Variants in GRM2 observed in about 807,000 individuals in gnomAD.
The protein encoded by GRM2 is glutamate metabotropic receptor 2, also known as metabotropic glutamate receptor 2.
In GRM2, 35 loss-of-function variants were observed where a neutral mutation model predicts 60.4. The observed-to-expected ratio is 0.58, with a 90% CI of 0.44 to 0.77. The LOEUF is 0.77. Ranked by LOEUF, GRM2 falls within the 30% of genes least tolerant of loss-of-function variation. GRM2 has a pLI of 0.00. For missense variants in GRM2, 925 were observed against 1,199.5 expected, an observed-to-expected ratio of 0.77 and a Z score of 3.38; for synonymous variants, 437 against 484.1, an observed-to-expected ratio of 0.90 and a Z score of 1.28.
At chr3:51,711,151 C>G (rs1371748079) in intron 2 of GRM2, 1 of 152,286 alleles carries the variant, frequency 6.6e-6, no homozygotes, top group Admixed American at 6.5e-5. Context: ...ATCTGTCCTG[C>G]TAATCCCAGA....
chr3:51,708,801 G>A (rs1325217167), intron 1 of GRM2, 47 bp from the exon 2 acceptor site: 9 of 540,486 alleles, frequency 1.7e-5, no homozygotes, highest in Non-Finnish European at 2.0e-5. Flanking sequence ...CTGCTCTCAG[G>A]TTCCACTTTT....
rs770169519 is a variant in GRM2, at chr3:51,715,973, T to A, written c.2200T>A (p.Tyr734Asn). ...RDASMLGSLA[Y>N]NVLLIALCTL... ...TGCAAGTATGTTGGGCTCGCTGGCC[T>A]ACAATGTGCTCCTCATCGCGCTCTG... is the stretch of plus-strand genomic sequence containing the variant. Residue 734 changes from tyrosine (Y) to asparagine (N), a missense_variant, in exon 4 of 6, where the codon TAC becomes AAC. Tyr to Asn is a moderately radical substitution (Grantham distance 143). Coordinates refer to ENST00000395052, the MANE Select transcript of GRM2 (RefSeq NM_000839.5). The surrounding 1 kb of genome is among the most constrained non-coding windows in gnomAD (Gnocchi z 9.0). 6.8e-6 allele frequency: 11 copies of A among 1,614,190 alleles called. No homozygotes were observed. Among genetic ancestry groups the A allele is most frequent in the Non-Finnish European group, 8.5e-6 (10 of 1,180,026 alleles).
Position 51,715,551 on chromosome 3 carries a change from A to G in GRM2, c.1778A>G (p.Asn593Ser), listed in dbSNP as rs1559696701. 3 of 1,613,964 alleles carry G rather than the reference A, an allele frequency of 1.9e-6. No homozygotes were observed. Among genetic ancestry groups the G allele is most frequent in the Non-Finnish European group, 2.5e-6 (3 of 1,180,038 alleles). Residue 593 changes from asparagine to serine, a missense_variant, in exon 4 of 6, where the codon AAT becomes AGT. Physicochemically the swap from Asn to Ser is conservative, Grantham distance 46. Coordinates refer to ENST00000395052, the MANE Select transcript of GRM2 (RefSeq NM_000839.5). The surrounding 1 kb of genome is among the most constrained non-coding windows in gnomAD (Gnocchi z 9.0). ...LFVLGVFVRH[N>S]ATPVVKASGR... ...GTGCTGGGTGTCTTTGTGCGGCACA[A>G]TGCCACACCAGTGGTCAAGGCCTCA... is the stretch of plus-strand genomic sequence containing the variant.
intron 2 of GRM2, among the ~76,000 whole-genome samples, chr3:51,709,711 AGC>A (rs1703632478): frequency 3.8e-5 from 2 of 52,236 alleles, no homozygotes; most frequent in Non-Finnish European, 7.1e-5. Context: ...ACACACACAC[AGC>A]CCCCCACACA....
In GRM2 at chr3:51,715,586, C is replaced by T; in HGVS notation, c.1813C>T (p.Leu605Phe). Residue 605 changes from leucine to phenylalanine, a missense_variant, in exon 4 of 6, where the codon CTC becomes TTC. Leu to Phe is a conservative substitution (Grantham distance 22). Transcript: ENST00000395052. The surrounding 1 kb of genome is among the most constrained non-coding windows in gnomAD (Gnocchi z 9.0). ...AGTGGTCAAGGCCTCAGGTCGGGAG[C>T]TCTGCTACATCCTGCTGGGTGGTGT... is the stretch of plus-strand genomic sequence containing the variant. ...TPVVKASGRELCYILLGGVFL... is the reference protein window; with the variant it reads ...TPVVKASGREFCYILLGGVFL... The T allele has an allele frequency of 6.2e-7, 1 of 1,614,214 alleles. No homozygotes were observed. Among genetic ancestry groups the T allele is most frequent in the Non-Finnish European group, 8.5e-7 (1 of 1,180,040 alleles).
intron 2 of GRM2, among the ~76,000 whole-genome samples, chr3:51,709,860 C>T (rs1378313323): frequency 2.6e-4 from 23 of 89,466 alleles, no homozygotes; most frequent in Admixed American, 2.3e-4. Flanking sequence ...CACACACACC[C>T]TCACCCTTGA....
chr3:51,713,328 T>C lies in GRM2; in HGVS notation c.1288+18T>C. On this transcript the variant is annotated intron_variant, in intron 3 of 5. Transcript: ENST00000395052. The surrounding 1 kb of genome is among the most constrained non-coding windows in gnomAD (Gnocchi z 4.8). ...GTTTGATGGTAATGGTGTTGGCCAG[T>C]GTCCATTGGCCTGCTGGCTGTCAGA... is the stretch of plus-strand genomic sequence containing the variant. 1 of 1,526,434 alleles carries C rather than the reference T, an allele frequency of 6.6e-7. No homozygotes were observed. Among genetic ancestry groups the C allele is most frequent in the South Asian group, 1.2e-5 (1 of 85,398 alleles). 94.6% of individuals were successfully genotyped at this position (1,526,434 alleles called of 1,614,324 possible).
chr3:51,713,411 A>G lies in GRM2; in HGVS notation c.1288+101A>G. On this transcript the variant is annotated intron_variant, in intron 3 of 5. Transcript: ENST00000395052. The surrounding 1 kb of genome is among the most constrained non-coding windows in gnomAD (Gnocchi z 4.8). ...CCTTTGCTAAGGAAACAGTAGAGTG[A>G]AAGTAAAGGACTCACCTGGGGTGGC... The G allele has an allele frequency of 1.2e-6, 1 of 857,114 alleles. No individual in the cohort carries two copies. Among genetic ancestry groups the G allele is most frequent in the Non-Finnish European group, 1.8e-6 (1 of 550,058 alleles). 53.1% of individuals were successfully genotyped at this position (857,114 alleles called of 1,614,324 possible).
At position 51,709,245 on chromosome 3, in the gene GRM2, A is replaced by G. The variant is rs758170042; in HGVS notation, c.262A>G (p.Ile88Val). The G allele has an allele frequency of 9.3e-6, 15 of 1,605,334 alleles. No homozygotes were observed. Among genetic ancestry groups the G allele is most frequent in the Non-Finnish European group, 8.5e-7 (1 of 1,174,066 alleles). Reference sequence around the variant, plus strand: ...GCCTGGCGTGCGCCTGGGTGCACACATCCTCGACAGTTGCTCCAAGGACAC... The same window carrying G: ...GCCTGGCGTGCGCCTGGGTGCACACGTCCTCGACAGTTGCTCCAAGGACAC... ...LLPGVRLGAH[I>V]LDSCSKDTHA... The change falls in exon 2 of 6, where the codon ATC (isoleucine) becomes GTC (valine). Residue 88 changes from isoleucine (I) to valine (V), a missense_variant. Coordinates refer to ENST00000395052, the MANE Select transcript of GRM2 (RefSeq NM_000839.5).
chr3:51,713,273 C>G lies in GRM2; in HGVS notation c.1251C>G (p.Arg417=), dbSNP rs765830484. 3 of 1,612,598 alleles carry G rather than the reference C, an allele frequency of 1.9e-6. No individual in the cohort carries two copies. The highest frequency in any genetic ancestry group is 2.5e-6 in the Non-Finnish European group (3 of 1,179,710). ...CDAMRPVNGR[R]LYKDFVLNVK... is the part of the protein sequence containing the mutation. ...CGATGCGGCCAGTTAACGGGCGCCG[C>G]CTCTACAAGGACTTTGTGCTCAACG... The change falls in exon 3 of 6, where the codon CGC becomes CGG. Residue 417 remains arginine (R), a synonymous_variant. Coordinates refer to ENST00000395052, the MANE Select transcript of GRM2 (RefSeq NM_000839.5). This position sits in a 1 kb window ranked among gnomAD's most constrained non-coding sequence, Gnocchi z 4.8.
chr3:51,709,299 G>C lies in GRM2; in HGVS notation c.316G>C (p.Val106Leu), dbSNP rs769770570. 3.7e-6 allele frequency: 6 copies of C among 1,603,330 alleles called. No homozygotes were observed. Among genetic ancestry groups the C allele is most frequent in the Non-Finnish European group, 5.1e-6 (6 of 1,172,226 alleles). Reference sequence around the variant, plus strand: ...TGCGCTGGAGCAGGCACTGGACTTTGTGCGTGCCTCACTCAGCCGTGGTGC... The same window carrying C: ...TGCGCTGGAGCAGGCACTGGACTTTCTGCGTGCCTCACTCAGCCGTGGTGC... The part of the protein sequence containing the change: ...THALEQALDF[V>L]RASLSRGADG... The change falls in exon 2 of 6, where the codon GTG becomes CTG. Residue 106 changes from valine (V) to leucine (L), a missense_variant. Transcript: ENST00000395052.
Position 51,718,295 on chromosome 3 carries a change from C to T in GRM2, c.*183C>T. 1.6e-6 allele frequency: 1 copy of T among 629,576 alleles called. No individual in the cohort carries two copies. The highest frequency in any genetic ancestry group is 2.9e-6 in the Non-Finnish European group (1 of 349,054). 39.0% of individuals were successfully genotyped at this position (629,576 alleles called of 1,614,324 possible). On this transcript the variant is annotated 3_prime_UTR_variant, in exon 6 of 6. Transcript: ENST00000395052. The surrounding 1 kb of genome is among the most constrained non-coding windows in gnomAD (Gnocchi z 4.2). ...CAGACTCAGAAGTCAGGAGCCTTGG[C>T]CAGGAGCCTCTGCAGTGGCCACTAA...
In GRM2 at chr3:51,712,880, T is replaced by A; in HGVS notation, c.858T>A (p.Asn286Lys). ...TGCTTGCTGCCAGCCAGCGCCTCAA[T>A]GCCAGCTTCACCTGGGTGGCCAGTG... ...RELLAASQRL[N>K]ASFTWVASDG... The change falls in exon 3 of 6, where the codon AAT becomes AAA. Residue 286 changes from asparagine (N) to lysine (K), a missense_variant. Transcript: ENST00000395052. This position sits in a 1 kb window ranked among gnomAD's most constrained non-coding sequence, Gnocchi z 5.3. The A allele has an allele frequency of 6.2e-7, 1 of 1,612,962 alleles. No individual in the cohort carries two copies. The highest frequency in any genetic ancestry group is 2.2e-5 in the East Asian group (1 of 44,870).
rs530569899 is a variant in GRM2, at chr3:51,712,664, C to A, written c.642C>A (p.Gly214=). The A allele has an allele frequency of 8.1e-6, 13 of 1,613,950 alleles. No individual in the cohort carries two copies. The highest frequency in any genetic ancestry group is 1.1e-5 in the South Asian group (1 of 91,086). ...ATGTGTCCACTGTGGCGTCTGAGGG[C>A]GACTATGGCGAGACAGGCATTGAGG... ...WTYVSTVASE[G]DYGETGIEAF... Residue 214 remains glycine (G), a synonymous_variant, in exon 3 of 6, where the codon GGC becomes GGA. Transcript: ENST00000395052. The surrounding 1 kb of genome is among the most constrained non-coding windows in gnomAD (Gnocchi z 5.3).
rs764896896 is a variant in GRM2, at chr3:51,709,233, C to A, written c.250C>A (p.Leu84Met). ...RDPHLLPGVR[L>M]GAHILDSCSK... ...CCCGCACCTGCTGCCTGGCGTGCGC[C>A]TGGGTGCACACATCCTCGACAGTTG... is the stretch of plus-strand genomic sequence containing the variant. Residue 84 changes from leucine (L) to methionine (M), a missense_variant, in exon 2 of 6, where the codon CTG becomes ATG. Coordinates refer to ENST00000395052, the MANE Select transcript of GRM2 (RefSeq NM_000839.5). 3 of 1,608,080 alleles carry A rather than the reference C, an allele frequency of 1.9e-6. No individual in the cohort carries two copies. In the Admixed American group the frequency reaches 5.0e-5, roughly 27 times the overall value.
intron 3 of GRM2, chr3:51,714,716 C>T: frequency 4.8e-6 from 1 of 206,474 alleles, no homozygotes; most frequent in Non-Finnish European, 9.6e-6. Context: ...GGATTTGGAG[C>T]CTGGGTTGGA....
At chr3:51,714,906 T>C (rs1038157281) in intron 3 of GRM2, 156 bp from the exon 4 acceptor site, 3 of 478,004 alleles carry the variant, frequency 6.3e-6, no homozygotes, top group Admixed American at 7.8e-5. Flanking sequence ...AGAAAAATGA[T>C]TGGGGTCAAG....
rs1703592897 is a variant in GRM2 at position 51,708,874 on chromosome 3, C to G, written c.-110C>G. On this transcript the variant is annotated 5_prime_UTR_variant, in exon 2 of 6. Coordinates refer to ENST00000395052, the MANE Select transcript of GRM2 (RefSeq NM_000839.5). ...AGCTGGGTCCCTTCGCATCTCTCTT[C>G]TTGTCTGTCCTTTCCTGGTCCCTGT... 1 of 800,788 alleles carries G rather than the reference C, an allele frequency of 1.2e-6. No individual in the cohort carries two copies. The highest frequency in any genetic ancestry group is 1.9e-6 in the Non-Finnish European group (1 of 523,518). The allele number at this position is 800,788 out of a possible 1,614,324, so 49.6% of individuals were successfully genotyped here.
In GRM2 at chr3:51,715,407, G is replaced by A; in HGVS notation, c.1634G>A (p.Trp545Ter). ...FTCADCGLGY[W>*]PNASLTGCFE... ...TGCGCTGATTGTGGCCTGGGCTACT[G>A]GCCCAATGCCAGCCTGACTGGCTGC... Residue 545 changes from tryptophan (W) to a stop codon, truncating the protein, a stop_gained, in exon 4 of 6, where the codon TGG becomes TAG. Coordinates refer to ENST00000395052, the MANE Select transcript of GRM2 (RefSeq NM_000839.5). LOFTEE classifies it high-confidence loss of function. This position sits in a 1 kb window ranked among gnomAD's most constrained non-coding sequence, Gnocchi z 9.0. 2 of 1,613,462 alleles carry A rather than the reference G, an allele frequency of 1.2e-6. No homozygotes were observed. Among genetic ancestry groups the A allele is most frequent in the Non-Finnish European group, 1.7e-6 (2 of 1,180,006 alleles).
Sources: gnomAD v4.1 joint callset for allele counts (sites outside exome capture counted in the v4.1 genomes callset) on GRCh38, gnomAD v4.1.1 for gene constraint, Gnocchi (gnomAD v3.1) non-coding constraint, MANE v1.5 for transcripts, NCBI Gene and HGNC (gene_info 2026-07-23, HGNC 2026-07-21) for gene names.